Variants in FMN2 observed in about 807,000 individuals in gnomAD.
The protein encoded by FMN2 is formin 2.
A neutral mutation model predicts 142.3 loss-of-function variants in FMN2; 51 were observed. The ratio of observed to expected loss-of-function variants is 0.36; its 90% CI spans 0.29 to 0.45. FMN2 has a LOEUF of 0.45. Among genes scored for constraint, FMN2 ranks in the 20% least tolerant of loss-of-function variants. FMN2 has a pLI of 1.00. For missense variants in FMN2, 1,936 were observed against 2,122.8 expected (o/e 0.91, Z 1.73); for synonymous variants, 882 against 869.8 (o/e 1.01, Z -0.25).
At chr1:240,213,833 A>G (rs933251902) in intron 6 of FMN2, among the ~76,000 whole-genome samples, 1 of 152,230 alleles carries the variant, frequency 6.6e-6, no homozygotes, top group East Asian at 1.9e-4. Context: ...ACTGGTGTTT[A>G]ACGAGGTGCC....
At chr1:240,104,313 C>T (rs1661526023) in intron 1 of FMN2, among the ~76,000 whole-genome samples, 1 of 151,816 alleles carries the variant, frequency 6.6e-6, no homozygotes, top group Admixed American at 6.6e-5. Flanking sequence ...TCACCTCGTC[C>T]TAAGTGCTTC....
chr1:240,226,727 T>A (rs1667314879), intron 6 of FMN2, among the ~76,000 whole-genome samples: 1 of 152,054 alleles, frequency 6.6e-6, no homozygotes, highest in African/African-American at 2.4e-5. Flanking sequence ...AGACCTTGTC[T>A]CTAAAAAAGA....
intron 4 of FMN2, among the ~76,000 whole-genome samples, chr1:240,190,741 A>G (rs1373514041): frequency 6.6e-6 from 1 of 152,178 alleles, no homozygotes; most frequent in Non-Finnish European, 1.5e-5. Context: ...GATGAATGAG[A>G]TGAGATTCTA....
At chr1:240,363,288 T>C (rs1672555187) in intron 14 of FMN2, among the ~76,000 whole-genome samples, 1 of 152,252 alleles carries the variant, frequency 6.6e-6, no homozygotes, top group African/African-American at 2.4e-5. Flanking sequence ...CTCCCTTCAT[T>C]GACCATTTAA....
chr1:240,350,032 T>A (rs1322094230), intron 13 of FMN2, among the ~76,000 whole-genome samples: 1 of 152,166 alleles, frequency 6.6e-6, no homozygotes, highest in African/African-American at 2.4e-5. Context: ...GTTGTGCAAC[T>A]TGATGTGCTA....
intron 8 of FMN2, among the ~76,000 whole-genome samples, chr1:240,309,392 G>A (rs994277): frequency 0.57 from 86,139 of 151,910 alleles, 25,898 homozygotes; most frequent in African/African-American, 0.78. Context: ...TACAGTGAAC[G>A]TGAAGCCCAG....
rs138165106 is a variant in FMN2, at chr1:240,114,601, G to A, written c.1616-8578G>A. Among the ~76,000 whole-genome samples the A allele has an allele frequency of 2.8e-4, 43 of 151,084 alleles. No homozygotes were observed. The South Asian group carries it at 8.4e-3, about 29-fold the overall frequency. ...TCCATCCACTTGCTGTTCTTTAAGT[G>A]AACCCATTATTTCATTAGGGATTGC... On this transcript the variant is annotated intron_variant, in intron 1 of 17. Coordinates refer to ENST00000319653, the MANE Select transcript of FMN2 (RefSeq NM_020066.5).
chr1:240,104,414 A>G (rs1661528379), intron 1 of FMN2, among the ~76,000 whole-genome samples: 1 of 152,034 alleles, frequency 6.6e-6, no homozygotes, highest in South Asian at 2.1e-4. Context: ...AAAAGAATCC[A>G]TGTAGTTGTA....
chr1:240,114,970 T>C (rs2103202393), intron 1 of FMN2, among the ~76,000 whole-genome samples: 1 of 152,292 alleles, frequency 6.6e-6, no homozygotes, highest in East Asian at 1.9e-4. Context: ...CTATCATTCC[T>C]TTTGCACATT....
At chr1:240,296,786 T>A (rs1670004605) in intron 8 of FMN2, among the ~76,000 whole-genome samples, 1 of 152,058 alleles carries the variant, frequency 6.6e-6, no homozygotes, top group African/African-American at 2.4e-5. Context: ...AAGTGTAGAA[T>A]TGGTACCCAT....
At chr1:240,224,015 C>G (rs1667213029) in intron 6 of FMN2, among the ~76,000 whole-genome samples, 1 of 152,034 alleles carries the variant, frequency 6.6e-6, no homozygotes, top group Non-Finnish European at 1.5e-5. Context: ...TATTTCTTAT[C>G]TTCTGCTAGC....
At chr1:240,427,202 T>C (rs1364340868) in intron 15 of FMN2, among the ~76,000 whole-genome samples, 1 of 150,794 alleles carries the variant, frequency 6.6e-6, no homozygotes, top group South Asian at 2.1e-4. Context: ...TGGTTTTTTT[T>C]TTGTTTTTGT....
intron 16 of FMN2, among the ~76,000 whole-genome samples, chr1:240,468,434 A>G (rs888218842): frequency 2.0e-5 from 3 of 150,692 alleles, no homozygotes; most frequent in Non-Finnish European, 4.4e-5. Flanking sequence ...TCAAGTGCAG[A>G]CACAGTTTGG....
intron 6 of FMN2, among the ~76,000 whole-genome samples, chr1:240,218,404 AT>A: frequency 6.6e-6 from 1 of 152,150 alleles, no homozygotes; most frequent in South Asian, 2.1e-4. Context: ...AGATTATAGA[AT>A]AGAGTATAAG....
intron 7 of FMN2, among the ~76,000 whole-genome samples, chr1:240,285,681 A>ACGTTTAT (rs1669562371): frequency 1.3e-5 from 2 of 152,132 alleles, no homozygotes; most frequent in South Asian, 2.1e-4. Flanking sequence ...AATGTTTAGC[A>ACGTTTAT]CGTGTATCGG....
intron 13 of FMN2, among the ~76,000 whole-genome samples, chr1:240,347,231 G>A (rs149381964): frequency 1.1e-4 from 17 of 152,318 alleles, no homozygotes; most frequent in Middle Eastern, 3.4e-3. Flanking sequence ...TGTGGAAAGC[G>A]TATACCATCC....
At chr1:240,197,210 A>AC (rs1193452330) in intron 4 of FMN2, among the ~76,000 whole-genome samples, 1 of 151,150 alleles carries the variant, frequency 6.6e-6, no homozygotes, top group Non-Finnish European at 1.5e-5. Context: ...CTCCATTAAA[A>AC]CCCCCAAAAT....
intron 15 of FMN2, among the ~76,000 whole-genome samples, chr1:240,430,588 A>T (rs1675131366): frequency 1.3e-5 from 2 of 151,636 alleles, no homozygotes; most frequent in South Asian, 4.1e-4. Context: ...AGATGTAAAG[A>T]CTTTTTTAAT....
intron 14 of FMN2, among the ~76,000 whole-genome samples, chr1:240,373,533 G>A (rs549960288): frequency 6.6e-6 from 1 of 152,228 alleles, no homozygotes; most frequent in South Asian, 2.1e-4. Context: ...TTTCAACAAT[G>A]TTCACAGCAT....
Sources: gnomAD v4.1 joint callset for allele counts (sites outside exome capture counted in the v4.1 genomes callset) on GRCh38, gnomAD v4.1.1 for gene constraint, MANE v1.5 for transcripts, NCBI Gene and HGNC (gene_info 2026-07-23, HGNC 2026-07-21) for gene names.